Variants in BNC2 observed in about 807,000 individuals in gnomAD.
BNC2 encodes the protein zinc finger protein basonuclin-2.
A neutral mutation model predicts 76.3 loss-of-function variants in BNC2; 20 were observed. That is an observed-to-expected ratio of 0.26 (90% CI 0.18 to 0.38). BNC2 has a LOEUF of 0.38. Ranked by LOEUF, BNC2 falls within the 10% of genes least tolerant of loss-of-function variation. The pLI is 1.00. For missense variants in BNC2, 1,382 were observed against 1,399.8 expected (o/e 0.99, Z 0.20); for synonymous variants, 582 against 514.8 (o/e 1.13, Z -1.77).
intron 1 of BNC2, among the ~76,000 whole-genome samples, chr9:16,749,047 A>C (rs1825101777): frequency 9.4e-6 from 1 of 105,836 alleles, no homozygotes; most frequent in African/African-American, 3.3e-5. Context: ...TGGGGGAATG[A>C]CTATCTTAGA....
rs1431265509 is a variant in BNC2, at chr9:16,417,687, G to A, written c.*1302C>T. On this transcript the variant is annotated 3_prime_UTR_variant, in exon 7 of 7. Coordinates refer to ENST00000380672, the MANE Select transcript of BNC2 (RefSeq NM_017637.6). ...GGATAAGGGTTAGGGCCTTGGAAAT[G>A]AGTGTTCGACTCTTTTACTGTATTC... is the stretch of plus-strand genomic sequence containing the variant. 3 of 152,672 alleles carry A rather than the reference G, an allele frequency of 2.0e-5. No individual in the cohort carries two copies. The highest frequency in any genetic ancestry group is 3.8e-4 in the East Asian group (2 of 5,202). The allele number at this position is 152,672 out of a possible 1,614,324, so 9.5% of individuals were successfully genotyped here.
intron 1 of BNC2, among the ~76,000 whole-genome samples, chr9:16,848,233 G>A (rs562355496): frequency 6.6e-6 from 1 of 152,188 alleles, no homozygotes; most frequent in Admixed American, 6.5e-5. Flanking sequence ...CCAAAAAAAG[G>A]AGGCAGACTT....
At chr9:16,425,098 G>A (rs988669572) in intron 6 of BNC2, among the ~76,000 whole-genome samples, 22 of 152,146 alleles carry the variant, frequency 1.4e-4, no homozygotes, top group African/African-American at 5.1e-4. Context: ...CATATTAAAT[G>A]CAAGAAACAA....
chr9:16,844,487 T>C (rs1326155313), intron 1 of BNC2, among the ~76,000 whole-genome samples: 1 of 136,384 alleles, frequency 7.3e-6, no homozygotes, highest in Admixed American at 8.5e-5. Context: ...CGAATATTTT[T>C]CTTTTCTTTT....
intron 3 of BNC2, among the ~76,000 whole-genome samples, chr9:16,719,582 A>C (rs958608361): frequency 1.3e-5 from 2 of 152,212 alleles, no homozygotes; most frequent in Non-Finnish European, 2.9e-5. Flanking sequence ...AATTCATGAC[A>C]GTCTCAAAAA....
chr9:16,419,577 C>T lies in BNC2; in HGVS notation c.2712G>A (p.Ser904=), dbSNP rs747322250. 1.1e-5 allele frequency: 18 copies of T among 1,611,700 alleles called. No homozygotes were observed. Among genetic ancestry groups the T allele is most frequent in the Middle Eastern group, 1.6e-4 (1 of 6,082 alleles). The stretch of plus-strand genomic sequence containing the variant: ...GGAGGTCCTTGCTAAGGGAGGGCTG[C>T]GACGAGTCCAGGCCCATGTCATCGA... ...KELDDMGLDS[S]QPSLSKDLRD... Residue 904 remains serine, a synonymous_variant, in exon 7 of 7, where the codon TCG becomes TCA. Transcript: ENST00000380672.
intron 1 of BNC2, among the ~76,000 whole-genome samples, chr9:16,839,349 T>G (rs982822803): frequency 6.6e-6 from 1 of 152,182 alleles, no homozygotes; most frequent in South Asian, 2.1e-4. Context: ...ACGGTAAAAG[T>G]TACACGCCAT....
At chr9:16,684,081 T>C (rs1273781744) in intron 3 of BNC2, among the ~76,000 whole-genome samples, 1 of 152,108 alleles carries the variant, frequency 6.6e-6, no homozygotes. Flanking sequence ...ATGTACTCAA[T>C]AGGTTTTTTT....
intron 3 of BNC2, among the ~76,000 whole-genome samples, chr9:16,682,679 C>T (rs1280666381): frequency 6.6e-6 from 1 of 152,166 alleles, no homozygotes; most frequent in Non-Finnish European, 1.5e-5. Flanking sequence ...GTTTATAAAA[C>T]ATCACAGCAA....
intron 6 of BNC2, among the ~76,000 whole-genome samples, chr9:16,425,038 T>C (rs1820778192): frequency 6.6e-6 from 1 of 152,164 alleles, no homozygotes; most frequent in Non-Finnish European, 1.5e-5. Context: ...GAAAATTCAA[T>C]GTGAAATTCT....
intron 2 of BNC2, among the ~76,000 whole-genome samples, chr9:16,736,090 C>T (rs1452243897): frequency 2.6e-5 from 4 of 151,508 alleles, no homozygotes; most frequent in South Asian, 4.2e-4. Flanking sequence ...AAAACTTAGC[C>T]GGGCATGGTG....
chr9:16,711,149 G>C (rs1287920286), intron 3 of BNC2, among the ~76,000 whole-genome samples: 2 of 152,124 alleles, frequency 1.3e-5, no homozygotes, highest in African/African-American at 4.8e-5. Context: ...TGTGTGGCAA[G>C]GGGAAGAAAG....
At chr9:16,491,591 G>A (rs547102921) in intron 5 of BNC2, among the ~76,000 whole-genome samples, 1 of 152,308 alleles carries the variant, frequency 6.6e-6, no homozygotes, top group Admixed American at 6.5e-5. Flanking sequence ...ATGGGAGGAA[G>A]GCTTAAGAAA....
chr9:16,676,280 T>C (rs1281323882), intron 3 of BNC2, among the ~76,000 whole-genome samples: 7 of 152,212 alleles, frequency 4.6e-5, no homozygotes, highest in Admixed American at 1.3e-4. Flanking sequence ...GCTATTCTTA[T>C]ATAAAAATAT....
chr9:16,678,267 CTTTTTTTTTTTTTT>C lies in BNC2; in HGVS notation c.330+49516_330+49529del, dbSNP rs140809930. On this transcript the variant is annotated intron_variant, in intron 3 of 6. Transcript: ENST00000380672. Reference sequence around the variant, plus strand: ...ACTTGTAACTGTTTTCTTTCTTTTTCTTTTTTTTTTTTTTTTTTTTTTTTTTTTTGAGACAGAGT... The same window carrying C: ...ACTTGTAACTGTTTTCTTTCTTTTTCTTTTTTTTTTTTTTTGAGACAGAGT... Among the ~76,000 whole-genome samples the C allele has an allele frequency of 9.3e-4, 75 of 80,750 alleles. 2 individuals carry two copies. The South Asian group carries it at 0.031, about 34-fold the overall frequency. 53.0% of individuals were successfully genotyped at this position (80,750 alleles called of 152,430 possible).
At chr9:16,445,226 C>G (rs1372069670) in intron 5 of BNC2, among the ~76,000 whole-genome samples, 1 of 152,192 alleles carries the variant, frequency 6.6e-6, no homozygotes, top group African/African-American at 2.4e-5. Context: ...AGCAGATTTA[C>G]ATTAAACACA....
intron 1 of BNC2, among the ~76,000 whole-genome samples, chr9:16,808,953 G>C (rs1436460473): frequency 3.9e-5 from 6 of 152,020 alleles, no homozygotes; most frequent in East Asian, 3.9e-4. Context: ...CTAAAGAAGA[G>C]AGCTCCACCT....
chr9:16,595,769 AACAG>A (rs1236140595), intron 3 of BNC2, among the ~76,000 whole-genome samples: 3 of 152,144 alleles, frequency 2.0e-5, no homozygotes, highest in African/African-American at 7.2e-5. Context: ...GACAGGAAAA[AACAG>A]ACTGACTAGC....
chr9:16,762,226 G>A (rs1227384730), intron 1 of BNC2, among the ~76,000 whole-genome samples: 4 of 152,066 alleles, frequency 2.6e-5, no homozygotes, highest in African/African-American at 9.7e-5. Flanking sequence ...CTCACCTTCT[G>A]GAATTTTTTA....
Sources: allele counts gnomAD v4.1 joint callset (sites outside exome capture counted in the v4.1 genomes callset), GRCh38; gene constraint gnomAD v4.1.1; transcripts MANE v1.5; gene names NCBI Gene and HGNC (gene_info 2026-07-23, HGNC 2026-07-21).